The following PRKN variants were observed in gnomAD, a reference collection of about 807,000 sequenced individuals.
PRKN encodes E3 ubiquitin-protein ligase parkin.
Under a neutral mutation model 59.5 loss-of-function variants are expected in PRKN, and 56 were observed. The ratio of observed to expected loss-of-function variants is 0.94; its 90% confidence interval spans 0.76 to 1.18. The LOEUF (loss-of-function observed/expected upper bound fraction) is 1.18, where lower values mean the gene tolerates loss of function less well. Among genes scored for constraint, PRKN ranks in the 50% most tolerant of loss-of-function variants. The pLI is 0.00. For synonymous variants in PRKN, 250 were observed against 222.1 expected (o/e 1.13, Z -1.12); for missense variants, 657 against 596.4 (o/e 1.10, Z -1.06).
chr6:161,642,629 AG>A (rs1783784474), intron 7 of PRKN, among the ~76,000 whole-genome samples: 3 of 152,318 alleles, frequency 2.0e-5, no homozygotes, highest in Admixed American at 1.3e-4. Flanking sequence ...AAGTCAGTGG[AG>A]GTATACACAT....
At chr6:162,452,534 A>C (rs1317109432) in intron 1 of PRKN, among the ~76,000 whole-genome samples, 2 of 152,158 alleles carry the variant, frequency 1.3e-5, no homozygotes, top group Non-Finnish European at 2.9e-5. Flanking sequence ...CAATGAAGAA[A>C]CTAAGAAGTT....
chr6:162,570,476 A>C (rs9456794), intron 1 of PRKN, among the ~76,000 whole-genome samples: 46,751 of 152,144 alleles, frequency 0.31, 7,634 homozygotes, highest in East Asian at 0.49. Context: ...TATATATCCA[A>C]AAGAAAGGAA....
rs370604264 is a variant in PRKN at position 161,811,992 on chromosome 6, T to G, written c.735-26084A>C. Among the ~76,000 whole-genome samples the G allele has an allele frequency of 1.4e-4, 22 of 151,798 alleles. No individual in the cohort carries two copies. The East Asian group carries it at 1.7e-3, about 12-fold the overall frequency. On this transcript the variant is annotated intron_variant, in intron 6 of 11. Coordinates refer to ENST00000366898, the MANE Select transcript of PRKN (RefSeq NM_004562.3). Reference sequence around the variant, plus strand: ...GGAAAAATATAACAGACATTTTCTTTGTAACCTTGAGCAAGACAACAATTT... The same window carrying G: ...GGAAAAATATAACAGACATTTTCTTGGTAACCTTGAGCAAGACAACAATTT...
rs544831667 is a variant in PRKN, at chr6:161,900,087, G to A, written c.734+73215C>T. On this transcript the variant is annotated intron_variant, in intron 6 of 11. Transcript: ENST00000366898. ...GATCATGCCACTTCACTCCAGCCTA[G>A]GTGACAGAGTGAGATTCTGACTCAA... 7.9e-5 allele frequency among the ~76,000 whole-genome samples: 12 copies of A among 151,382 alleles called. No individual in the cohort carries two copies. The South Asian group carries it at 2.5e-3, about 32-fold the overall frequency.
At chr6:162,328,057 T>G (rs1783380441) in intron 2 of PRKN, among the ~76,000 whole-genome samples, 1 of 142,846 alleles carries the variant, frequency 7.0e-6, no homozygotes, top group African/African-American at 2.6e-5. Flanking sequence ...AAAAAGAAAT[T>G]GTTCCTCAAA....
chr6:162,470,866 C>T (rs1791697989), intron 1 of PRKN, among the ~76,000 whole-genome samples: 2 of 151,958 alleles, frequency 1.3e-5, no homozygotes, highest in South Asian at 2.1e-4. Context: ...AAGTCATTCT[C>T]CTGCCTCAGT....
intron 3 of PRKN, among the ~76,000 whole-genome samples, chr6:162,234,403 G>A (rs6912577): frequency 0.42 from 63,589 of 151,986 alleles, 15,196 homozygotes; most frequent in East Asian, 0.78. Context: ...GATTTACCAG[G>A]GAAGAAATGA....
intron 4 of PRKN, among the ~76,000 whole-genome samples, chr6:162,192,246 A>G (rs1454964054): frequency 6.6e-6 from 1 of 152,114 alleles, no homozygotes; most frequent in Non-Finnish European, 1.5e-5. Flanking sequence ...GTCACTACTA[A>G]CTGACAGACT....
chr6:162,529,032 C>G (rs887563313), intron 1 of PRKN, among the ~76,000 whole-genome samples: 1 of 152,084 alleles, frequency 6.6e-6, no homozygotes, highest in Admixed American at 6.5e-5. Context: ...CACCATCACA[C>G]CGAGCTAATT....
intron 6 of PRKN, among the ~76,000 whole-genome samples, chr6:161,946,414 ACTCTCTCT>A (rs61537965): frequency 0.24 from 27,514 of 114,568 alleles, 3,780 homozygotes; most frequent in East Asian, 0.35. Flanking sequence ...ACACACACAC[ACTCTCTCT>A]CTCTCTCTCT....
At chr6:161,769,146 A>G (rs1348338541) in intron 7 of PRKN, among the ~76,000 whole-genome samples, 6 of 152,234 alleles carry the variant, frequency 3.9e-5, no homozygotes, top group African/African-American at 1.4e-4. Context: ...AAAATGTCAA[A>G]AAGAAAATAA....
intron 7 of PRKN, among the ~76,000 whole-genome samples, chr6:161,754,822 G>A (rs1046680605): frequency 2.0e-5 from 3 of 152,166 alleles, no homozygotes; most frequent in Non-Finnish European, 2.9e-5. Flanking sequence ...TGCAACTGTC[G>A]TGGTGCCAGA....
intron 6 of PRKN, among the ~76,000 whole-genome samples, chr6:161,811,807 C>T (rs186264601): frequency 5.9e-5 from 9 of 151,820 alleles, no homozygotes; most frequent in Middle Eastern, 3.4e-3. Flanking sequence ...CCTGTAGTCC[C>T]GCTACTCAGG....
rs1050300526 is a variant in PRKN, at chr6:161,428,975, G to A, written c.1084-42098C>T. On this transcript the variant is annotated intron_variant, in intron 9 of 11. Transcript: ENST00000366898. The surrounding 1 kb of genome is among the most constrained non-coding windows in gnomAD (Gnocchi z 4.0). ...CTGCCCTAAGACTGGAAGGCTGGCAGACCAGCTCAGGTCAGCTGGTTCAAG... is the reference window on the plus strand; with the variant it reads ...CTGCCCTAAGACTGGAAGGCTGGCAAACCAGCTCAGGTCAGCTGGTTCAAG... 1.3e-5 allele frequency among the ~76,000 whole-genome samples: 2 copies of A among 152,148 alleles called. No homozygotes were observed. The highest frequency in any genetic ancestry group is 4.8e-5 in the African/African-American group (2 of 41,434).
chr6:162,284,215 C>CTTTTTTTTTTT lies in PRKN; in HGVS notation c.172-21461_172-21451dup, dbSNP rs35609309. Among the ~76,000 whole-genome samples, 30 of 75,674 alleles carry CTTTTTTTTTTT rather than the reference C, an allele frequency of 4.0e-4. 2 individuals carry two copies. In the East Asian group the frequency reaches 4.2e-3, roughly 11 times the overall value. The allele number at this position is 75,674 out of a possible 152,430, so 49.6% of individuals were successfully genotyped here. A position where few individuals can be genotyped will look rare whatever the true frequency, so the allele number is the denominator to read the frequency against. ...TATTTATGTATTGTGTTATTTCTTT[C>CTTTTTTTTTTT]TTTTTTTTTTTTTTTTTTTTTTTTT... On this transcript the variant is annotated intron_variant, in intron 2 of 11. Coordinates refer to ENST00000366898, the MANE Select transcript of PRKN (RefSeq NM_004562.3).
intron 7 of PRKN, among the ~76,000 whole-genome samples, chr6:161,682,169 G>A (rs1325357058): frequency 1.3e-5 from 2 of 152,184 alleles, no homozygotes; most frequent in African/African-American, 2.4e-5. Flanking sequence ...TGCCCAATGG[G>A]CCCCACGAGG....
intron 3 of PRKN, among the ~76,000 whole-genome samples, chr6:162,252,507 AC>A (rs1779475641): frequency 6.6e-6 from 1 of 152,168 alleles, no homozygotes; most frequent in Admixed American, 6.5e-5. Flanking sequence ...AAACCTAATC[AC>A]CAATGTGATG....
chr6:162,195,940 A>C (rs1784474655), intron 4 of PRKN, among the ~76,000 whole-genome samples: 1 of 152,176 alleles, frequency 6.6e-6, no homozygotes, highest in Non-Finnish European at 1.5e-5. Context: ...CTTCTATGTC[A>C]ATTCTATCTT....
chr6:161,489,521 C>T (rs1453461037), intron 9 of PRKN, among the ~76,000 whole-genome samples: 2 of 152,176 alleles, frequency 1.3e-5, no homozygotes, highest in Non-Finnish European at 2.9e-5. Flanking sequence ...GATGGCGCCA[C>T]TTCACTCCAG....
Sources: gnomAD v4.1 joint callset for allele counts (sites outside exome capture counted in the v4.1 genomes callset) on GRCh38, gnomAD v4.1.1 for gene constraint, Gnocchi (gnomAD v3.1) non-coding constraint, MANE v1.5 for transcripts, NCBI Gene and HGNC (gene_info 2026-07-23, HGNC 2026-07-21) for gene names.